HIP1: variants seen among roughly 807,000 people sequenced by gnomAD.
The protein encoded by HIP1 is huntingtin interacting protein 1, also known as huntingtin-interacting protein 1.
In HIP1, 65 loss-of-function variants were observed where a neutral mutation model predicts 147.6. That is an observed-to-expected ratio of 0.44 (90% CI 0.36 to 0.54). The LOEUF (loss-of-function observed/expected upper bound fraction) is 0.54, where lower values mean the gene tolerates loss of function less well. Among genes scored for constraint, HIP1 ranks in the 20% least tolerant of loss-of-function variants. The pLI is 0.00. For missense variants in HIP1, 1,061 were observed against 1,299.6 expected (o/e 0.82, Z 2.82); for synonymous variants, 479 against 504.0 (o/e 0.95, Z 0.67).
intron 1 of HIP1, chr7:75,639,017 G>A: frequency 2.1e-6 from 2 of 943,236 alleles, no homozygotes; most frequent in African/African-American, 1.8e-5. Context: ...GGTGTGGGGA[G>A]GGGGCTCGGG....
intron 1 of HIP1, among the ~76,000 whole-genome samples, chr7:75,619,342 G>A (rs1358927175): frequency 6.6e-6 from 1 of 152,034 alleles, no homozygotes; most frequent in Non-Finnish European, 1.5e-5. Flanking sequence ...GGCCAACATG[G>A]TGAAACCCCA....
intron 1 of HIP1, among the ~76,000 whole-genome samples, chr7:75,621,578 C>T (rs781865139): frequency 9.2e-5 from 14 of 152,194 alleles, no homozygotes; most frequent in East Asian, 1.9e-4. Flanking sequence ...TTGAGCAAAG[C>T]GGTAAAACGA....
At chr7:75,719,412 G>A (rs1801431311) in intron 1 of HIP1, among the ~76,000 whole-genome samples, 5 of 151,740 alleles carry the variant, frequency 3.3e-5, no homozygotes, top group Admixed American at 2.6e-4. Context: ...GCTGAGGCAG[G>A]AGAATGGCGG....
intron 1 of HIP1, among the ~76,000 whole-genome samples, chr7:75,639,562 C>CGTGTGTGTGTGTGTGTGTGTGT (rs57827695): frequency 1.5e-5 from 2 of 137,398 alleles, no homozygotes; most frequent in African/African-American, 5.6e-5. Flanking sequence ...CGCCAGGAAG[C>CGTGTGTGTGTGTGTGTGTGTGT]GTGTGTGTGT....
chr7:75,698,417 G>T (rs1168072404), intron 1 of HIP1, among the ~76,000 whole-genome samples: 1 of 152,090 alleles, frequency 6.6e-6, no homozygotes, highest in Non-Finnish European at 1.5e-5. Context: ...TTCAAACCCA[G>T]GCAGTTCTAC....
intron 1 of HIP1, among the ~76,000 whole-genome samples, chr7:75,717,087 G>A (rs1801346494): frequency 6.6e-6 from 1 of 152,108 alleles, no homozygotes; most frequent in Admixed American, 6.6e-5. Context: ...CCAAAGTGCT[G>A]GAATTACAGG....
chr7:75,579,163 A>T (rs2116913811), intron 7 of HIP1, among the ~76,000 whole-genome samples: 1 of 152,206 alleles, frequency 6.6e-6, no homozygotes, highest in South Asian at 2.1e-4. Flanking sequence ...CACTGCTTTC[A>T]GTCTGACTGG....
chr7:75,554,336 C>A, intron 20 of HIP1, 104 bp downstream of exon 20: 1 of 1,276,476 alleles, frequency 7.8e-7, no homozygotes. Flanking sequence ...TGCCTACATG[C>A]CTTTCTTGAT....
At chr7:75,730,967 T>A (rs893194035) in intron 1 of HIP1, among the ~76,000 whole-genome samples, 4 of 151,188 alleles carry the variant, frequency 2.6e-5, no homozygotes, top group Non-Finnish European at 5.9e-5. Flanking sequence ...ACTCCTGGCC[T>A]CAAGTGATCC....
chr7:75,614,747 A>AAC (rs1478267797), intron 1 of HIP1, among the ~76,000 whole-genome samples: 3 of 152,008 alleles, frequency 2.0e-5, no homozygotes, highest in African/African-American at 7.3e-5. Context: ...CACAGGAAAA[A>AAC]AAAAGATAAA....
At chr7:75,682,405 T>A (rs1800117685) in intron 1 of HIP1, among the ~76,000 whole-genome samples, 1 of 151,646 alleles carries the variant, frequency 6.6e-6, no homozygotes, top group African/African-American at 2.4e-5. Context: ...TACAGGAGGC[T>A]ACATGCTACT....
At chr7:75,715,866 G>C (rs1584973955) in intron 1 of HIP1, among the ~76,000 whole-genome samples, 1 of 151,050 alleles carries the variant, frequency 6.6e-6, no homozygotes, top group East Asian at 2.0e-4. Context: ...TTAGCTTTAG[G>C]TGAGGCCTCA....
chr7:75,706,192 G>A (rs1800988892), intron 1 of HIP1, among the ~76,000 whole-genome samples: 1 of 152,126 alleles, frequency 6.6e-6, no homozygotes, highest in Non-Finnish European at 1.5e-5. Flanking sequence ...ACCATGCCCG[G>A]GTTACTTTTA....
At chr7:75,586,889 A>G in intron 4 of HIP1, 56 bp from the exon 5 acceptor site, 1 of 1,013,328 alleles carries the variant, frequency 9.9e-7, no homozygotes, top group Non-Finnish European at 1.6e-6. Flanking sequence ...CAGTCAAGAG[A>G]TCTGCAGCCA....
chr7:75,592,003 T>C (rs1796516041), intron 4 of HIP1, 53 bp downstream of exon 4: 1 of 1,408,486 alleles, frequency 7.1e-7, no homozygotes, highest in Non-Finnish European at 1.0e-6. Context: ...CTCTGTGGCC[T>C]CTGAGGAAGG....
In HIP1 at chr7:75,547,742, C is replaced by T. The variant is rs369527057; in HGVS notation, c.2465+13G>A. 6.3e-5 allele frequency: 102 copies of T among 1,610,620 alleles called. No individual in the cohort carries two copies. The highest frequency in any genetic ancestry group is 7.4e-5 in the Non-Finnish European group (87 of 1,176,988). On this transcript the variant is annotated intron_variant, in intron 24 of 30. Coordinates refer to ENST00000336926, the MANE Select transcript of HIP1 (RefSeq NM_005338.7). Reference sequence around the variant, plus strand: ...CCTGCTCCCCTAGGTCCCACCATGCCGCTCAGACCGACCTTTCATTCACCT... The same window carrying T: ...CCTGCTCCCCTAGGTCCCACCATGCTGCTCAGACCGACCTTTCATTCACCT...
intron 1 of HIP1, among the ~76,000 whole-genome samples, chr7:75,612,522 A>C (rs1797479041): frequency 6.6e-6 from 1 of 150,722 alleles, no homozygotes; most frequent in Admixed American, 6.6e-5. Flanking sequence ...AAAAAATAAA[A>C]TAAAGGCTGG....
At chr7:75,563,977 T>C (rs1306047701) in intron 9 of HIP1, among the ~76,000 whole-genome samples, 1 of 152,122 alleles carries the variant, frequency 6.6e-6, no homozygotes, top group African/African-American at 2.4e-5. Context: ...ATTGCAGCCT[T>C]GAATTCCTGG....
At chr7:75,542,602 G>A (rs1183284395) in intron 28 of HIP1, among the ~76,000 whole-genome samples, 5 of 152,124 alleles carry the variant, frequency 3.3e-5, no homozygotes, top group African/African-American at 1.2e-4. Context: ...GGGAAGCTGA[G>A]GCAGGAGAAT....
Sources: allele counts gnomAD v4.1 joint callset (sites outside exome capture counted in the v4.1 genomes callset), GRCh38; gene constraint gnomAD v4.1.1; transcripts MANE v1.5; gene names NCBI Gene and HGNC (gene_info 2026-07-23, HGNC 2026-07-21).